The following FRMD3 variants were observed in gnomAD, a reference collection of about 807,000 sequenced individuals.
FRMD3 encodes FERM domain containing 3.
A neutral mutation model predicts 70.2 loss-of-function variants in FRMD3; 33 were observed. The ratio of observed to expected loss-of-function variants is 0.47; its 90% CI spans 0.36 to 0.63. The LOEUF (loss-of-function observed/expected upper bound fraction) is 0.63. FRMD3 is among the 20% of genes least tolerant of loss of function. FRMD3 has a pLI of 0.00. For missense variants in FRMD3, 632 were observed against 711.4 expected, an observed-to-expected ratio of 0.89 and a Z score of 1.27; for synonymous variants, 279 against 255.9, an observed-to-expected ratio of 1.09 and a Z score of -0.86.
chr9:83,534,748 C>T (rs571117557), intron 1 of FRMD3, among the ~76,000 whole-genome samples: 2 of 152,288 alleles, frequency 1.3e-5, no homozygotes, highest in East Asian at 1.9e-4. Context: ...AGGCAAATAC[C>T]ATGTTTCTGG....
At position 83,342,359 on chromosome 9, in the gene FRMD3, C is replaced by T. The variant is rs188702906; in HGVS notation, c.472+831G>A. Among the ~76,000 whole-genome samples, 3 of 152,292 alleles carry T rather than the reference C, an allele frequency of 2.0e-5. No individual in the cohort carries two copies. The East Asian group carries it at 5.8e-4, about 29-fold the overall frequency. On this transcript the variant is annotated intron_variant, in intron 5 of 13. Coordinates refer to ENST00000304195, the MANE Select transcript of FRMD3 (RefSeq NM_174938.6). ...AGGGTTTGTTCAACTGGAAAAAGAA[C>T]AGTAGTCACTTCTAATGGGCCTGCG...
rs759793194 is a variant in FRMD3 at position 83,248,396 on chromosome 9, G to C, written c.1316C>G (p.Pro439Arg). Residue 439 changes from proline (P) to arginine (R), a missense_variant, in exon 14 of 14, where the codon CCT becomes CGT. Pro to Arg is a moderately radical substitution (Grantham distance 103). Transcript: ENST00000304195. ...SEEEDKIKEE[P>R]LTISELVYNP... The stretch of plus-strand genomic sequence containing the variant: ...GTACACTAGTTCAGAGATGGTTAAA[G>C]GTTCTTCTTTTATTTTATCTTCCTC... The C allele has an allele frequency of 8.7e-6, 14 of 1,614,150 alleles. No homozygotes were observed. In the Admixed American group the frequency reaches 2.3e-4, roughly 27 times the overall value.
chr9:83,253,328 A>C (rs1364250346), intron 13 of FRMD3, among the ~76,000 whole-genome samples: 2 of 152,250 alleles, frequency 1.3e-5, no homozygotes, highest in East Asian at 3.8e-4. Context: ...TAATGAGAAC[A>C]AAGAGACAAT....
Position 83,247,951 on chromosome 9 carries a change from G to A in FRMD3, c.1761C>T (p.Val587=). 1 of 1,614,142 alleles carries A rather than the reference G, an allele frequency of 6.2e-7. No homozygotes were observed. The highest frequency in any genetic ancestry group is 8.5e-7 in the Non-Finnish European group (1 of 1,180,020). Residue 587 remains valine, a synonymous_variant, in exon 14 of 14, where the codon GTC becomes GTT. Coordinates refer to ENST00000304195, the MANE Select transcript of FRMD3 (RefSeq NM_174938.6). The stretch of plus-strand genomic sequence containing the variant: ...AACCCAGCATGTAGAGGATGAGGTG[G>A]ACTTTCCCAGCCACCCACTCCTTGA... The part of the protein sequence containing the change: ...CPLKEWVAGK[V]HLILYMLGCS
intron 13 of FRMD3, among the ~76,000 whole-genome samples, chr9:83,283,075 A>G (rs1254823757): frequency 6.6e-6 from 1 of 152,214 alleles, no homozygotes; most frequent in African/African-American, 2.4e-5. Flanking sequence ...AGACGAGAAT[A>G]GCTCCAAAGA....
the FRMD3 span, among the ~76,000 whole-genome samples, chr9:83,549,800 T>G: frequency 7.2e-5 from 11 of 151,772 alleles, no homozygotes; most frequent in African/African-American, 1.7e-4. Context: ...ATAGGGTTGG[T>G]TTTTTTTCTT....
At chr9:83,559,024 A>T in the FRMD3 span, among the ~76,000 whole-genome samples, 3 of 152,252 alleles carry the variant, frequency 2.0e-5, no homozygotes, top group Non-Finnish European at 4.4e-5. Context: ...ACTTCAGGTG[A>T]GGATGCTGTG....
chr9:83,243,365 C>T (rs1167019999), downstream of FRMD3: 5 of 773,900 alleles, frequency 6.5e-6, no homozygotes, highest in Non-Finnish European at 1.1e-5. Context: ...ACAACCATCC[C>T]AGAAGTCACC....
At chr9:83,438,679 C>T (rs60699442) in intron 1 of FRMD3, among the ~76,000 whole-genome samples, 22 of 152,310 alleles carry the variant, frequency 1.4e-4, no homozygotes, top group African/African-American at 4.8e-4. Flanking sequence ...AGATTACAGG[C>T]GTGAGCCACC....
chr9:83,563,128 A>G, the FRMD3 span, among the ~76,000 whole-genome samples: 1 of 152,198 alleles, frequency 6.6e-6, no homozygotes, highest in African/African-American at 2.4e-5. Context: ...TCTAGGATAG[A>G]GTCTTTTATG....
At chr9:83,516,150 C>T (rs1018161870) in intron 1 of FRMD3, among the ~76,000 whole-genome samples, 1 of 151,980 alleles carries the variant, frequency 6.6e-6, no homozygotes, top group African/African-American at 2.4e-5. Context: ...GAGCTAAATG[C>T]CCCAATTAAA....
chr9:83,368,923 C>T (rs7469747), intron 3 of FRMD3, among the ~76,000 whole-genome samples: 12 of 152,010 alleles, frequency 7.9e-5, no homozygotes, highest in Non-Finnish European at 1.5e-4. Context: ...GGCACCAACT[C>T]GGCTCACTTC....
intron 13 of FRMD3, among the ~76,000 whole-genome samples, chr9:83,261,824 C>T (rs11139999): frequency 0.69 from 105,551 of 152,044 alleles, 38,463 homozygotes; most frequent in East Asian, 0.9. Flanking sequence ...TTTCTGGGTT[C>T]GAATCCTGGC....
At chr9:83,366,903 T>A (rs1824806002) in intron 3 of FRMD3, among the ~76,000 whole-genome samples, 1 of 151,022 alleles carries the variant, frequency 6.6e-6, no homozygotes, top group Non-Finnish European at 1.5e-5. Context: ...TGTGGTAGCA[T>A]GTGCCTGTAA....
rs753343370 is a variant in FRMD3, at chr9:83,248,215, C to T, written c.1497G>A (p.Glu499=). ...AAGCACGGCGAGCCTCCTTCAGCTC[C>T]TCTTCTTCAGCAATCAAAAAGGCGT... The part of the protein sequence containing the change: ...DENAFLIAEE[E]ELKEARRALS... The change falls in exon 14 of 14, where the codon GAG becomes GAA. Residue 499 remains glutamate, a synonymous_variant. Transcript: ENST00000304195. 19 of 1,614,078 alleles carry T rather than the reference C, an allele frequency of 1.2e-5. No individual in the cohort carries two copies. Among genetic ancestry groups the T allele is most frequent in the Non-Finnish European group, 1.5e-5 (18 of 1,180,050 alleles).
intron 13 of FRMD3, among the ~76,000 whole-genome samples, chr9:83,267,863 C>G (rs1026851681): frequency 6.6e-6 from 1 of 152,176 alleles, no homozygotes; most frequent in African/African-American, 2.4e-5. Context: ...TGTTCAGTAG[C>G]TATATATGGT....
chr9:83,536,930 T>TTAAAAAAAAAAAAAAAAAAAA (rs1829904792), intron 1 of FRMD3, among the ~76,000 whole-genome samples: 2 of 60,894 alleles, frequency 3.3e-5, no homozygotes, highest in Non-Finnish European at 6.5e-5. Context: ...TGTATTACAC[T>TTAAAAAAAAAAAAAAAAAAAA]AAAAAAAAAA....
chr9:83,390,932 G>C (rs1825649091), intron 1 of FRMD3, among the ~76,000 whole-genome samples: 1 of 152,152 alleles, frequency 6.6e-6, no homozygotes, highest in South Asian at 2.1e-4. Context: ...AGTTGGATGG[G>C]AAAGCCACAC....
intron 13 of FRMD3, among the ~76,000 whole-genome samples, chr9:83,260,346 G>A (rs1295456081): frequency 6.6e-6 from 1 of 152,170 alleles, no homozygotes; most frequent in Non-Finnish European, 1.5e-5. Context: ...CAAAGCCCAT[G>A]CTTTCTCCAA....
Sources: gnomAD v4.1 joint callset for allele counts (sites outside exome capture counted in the v4.1 genomes callset) on GRCh38, gnomAD v4.1.1 for gene constraint, MANE v1.5 for transcripts, NCBI Gene and HGNC (gene_info 2026-07-23, HGNC 2026-07-21) for gene names.